Variants in HEATR4 observed in about 807,000 individuals in gnomAD.
HEATR4 encodes the protein HEAT repeat containing 4.
Under a neutral mutation model 108.8 loss-of-function variants are expected in HEATR4, and 95 were observed. The ratio of observed to expected loss-of-function variants is 0.87; its 90% confidence interval spans 0.74 to 1.04. HEATR4 has a LOEUF of 1.04. Among genes scored for constraint, HEATR4 ranks in the 50% least tolerant of loss-of-function variants. HEATR4 has a pLI of 0.00. For synonymous variants in HEATR4, 443 were observed against 459.4 expected (o/e 0.96, Z 0.46); for missense variants, 1,152 against 1,253.8 (o/e 0.92, Z 1.23).
intron 1 of HEATR4, chr14:73,536,981 T>G: frequency 8.3e-6 from 1 of 120,796 alleles, no homozygotes; most frequent in Non-Finnish European, 1.7e-5. Context: ...TGCCTGGTTG[T>G]TGTTGTTTTT....
intron 17 of HEATR4, chr14:73,490,863 G>C: frequency 8.3e-6 from 6 of 722,022 alleles, no homozygotes; most frequent in East Asian, 3.4e-5. Context: ...GAAAGAGAGC[G>C]GGAGGGGCCG....
the HEATR4 span, chr14:73,568,202 C>T: frequency 6.6e-6 from 1 of 151,986 alleles, no homozygotes; most frequent in African/African-American, 2.4e-5. Context: ...GATAAAAAGG[C>T]TTACCTTGAG....
rs1211455679 is a variant in HEATR4, at chr14:73,492,794, G to T, written c.2844+272C>A. 6.2e-7 allele frequency: 1 copy of T among 1,613,968 alleles called. No individual in the cohort carries two copies. The highest frequency in any genetic ancestry group is 8.5e-7 in the Non-Finnish European group (1 of 1,179,898). On this transcript the variant is annotated intron_variant, in intron 17 of 17. Coordinates refer to ENST00000553558, the MANE Select transcript of HEATR4 (RefSeq NM_001220484.1). This position sits in a 1 kb window ranked among gnomAD's most constrained non-coding sequence, Gnocchi z 4.9. ...CTTGGAAATATACCCCCAGCAAGCT[G>T]ATGCCATGGAACTGTTGCTTGGTTC...
chr14:73,595,364 G>A, the HEATR4 span: 1 of 1,614,226 alleles, frequency 6.2e-7, no homozygotes, highest in South Asian at 1.1e-5. Flanking sequence ...TGGTCAGGAT[G>A]ACCATAACTG....
intron 9 of HEATR4, 145 bp from the exon 10 acceptor site, chr14:73,506,716 A>G (rs1046716969): frequency 1.3e-5 from 7 of 534,224 alleles, no homozygotes; most frequent in Admixed American, 3.3e-5. Context: ...ATCACAGCCA[A>G]CTGACTCTGG....
At chr14:73,565,188 G>A in the HEATR4 span, among the ~76,000 whole-genome samples, 1 of 152,046 alleles carries the variant, frequency 6.6e-6, no homozygotes, top group Non-Finnish European at 1.5e-5. Context: ...GTGGAGCTGA[G>A]TCAAAGAGAA....
At chr14:73,529,554 G>A (rs114811414) in intron 2 of HEATR4, among the ~76,000 whole-genome samples, 1,918 of 151,988 alleles carry the variant, frequency 0.013, 49 homozygotes, top group African/African-American at 0.044. Context: ...AAATGTAGGA[G>A]TTGGACTAAA....
At chr14:73,562,310 T>A (rs1039100224), upstream of HEATR4, among the ~76,000 whole-genome samples, 1 of 152,128 alleles carries the variant, frequency 6.6e-6, no homozygotes, top group African/African-American at 2.4e-5. Context: ...TTTTATAATT[T>A]CTTATGCCTG....
the HEATR4 span, among the ~76,000 whole-genome samples, chr14:73,627,019 T>C: frequency 6.6e-6 from 1 of 151,608 alleles, no homozygotes. Flanking sequence ...CTCAAACTCC[T>C]GACCTCAGGT....
chr14:73,607,610 G>GTTTTC, the HEATR4 span, among the ~76,000 whole-genome samples: 1 of 151,974 alleles, frequency 6.6e-6, no homozygotes, highest in Non-Finnish European at 1.5e-5. Flanking sequence ...AGAAAATAGG[G>GTTTTC]TTTTCTTTTC....
chr14:73,519,511 C>T (rs1025843290), intron 4 of HEATR4, among the ~76,000 whole-genome samples: 2 of 151,614 alleles, frequency 1.3e-5, no homozygotes, highest in Admixed American at 6.6e-5. Context: ...TTTGGGAGGC[C>T]GAGGTGGGTG....
At position 73,514,188 on chromosome 14, in the gene HEATR4, G is replaced by A. The variant is rs1199545258; in HGVS notation, c.1257C>T (p.Thr419=). Residue 419 remains threonine (T), a synonymous_variant, in exon 6 of 18, where the codon ACC becomes ACT. Transcript: ENST00000553558. The part of the protein sequence containing the change: ...QGALRWTALP[T]PAKDMLLQVG... ...CCTGCAGCAGCATATCCTTGGCGGG[G>A]GTGGGCAAAGCAGTCCAGCGCAGGG... is the stretch of plus-strand genomic sequence containing the variant. 1.1e-5 allele frequency: 17 copies of A among 1,614,082 alleles called. No individual in the cohort carries two copies. Among genetic ancestry groups the A allele is most frequent in the Non-Finnish European group, 1.4e-5 (17 of 1,180,048 alleles).
At chr14:73,519,768 A>G (rs988403612) in intron 4 of HEATR4, among the ~76,000 whole-genome samples, 1 of 152,204 alleles carries the variant, frequency 6.6e-6, no homozygotes, top group Non-Finnish European at 1.5e-5. Context: ...CTGTAATCCC[A>G]GCACTTTGGG....
intron 5 of HEATR4, among the ~76,000 whole-genome samples, chr14:73,515,079 A>C (rs999418228): frequency 2.0e-5 from 3 of 151,652 alleles, no homozygotes; most frequent in East Asian, 1.9e-4. Flanking sequence ...AAAAAAAAAA[A>C]ACAAAAAAAA....
intron 16 of HEATR4, among the ~76,000 whole-genome samples, chr14:73,494,967 T>C (rs1265876349): frequency 1.3e-5 from 2 of 152,150 alleles, no homozygotes; most frequent in Admixed American, 6.5e-5. Context: ...TTCTGATATG[T>C]CCTTTTTTGA....
chr14:73,600,354 A>G, the HEATR4 span, among the ~76,000 whole-genome samples: 1 of 152,010 alleles, frequency 6.6e-6, no homozygotes, highest in Non-Finnish European at 1.5e-5. Flanking sequence ...TGCCTCCTAG[A>G]TGGAAAAGGG....
chr14:73,510,064 TGTTAGCCAGGATG>T (rs2140278121), intron 7 of HEATR4, among the ~76,000 whole-genome samples: 1 of 150,724 alleles, frequency 6.6e-6, no homozygotes, highest in South Asian at 2.1e-4. Flanking sequence ...GATTTCACCG[TGTTAGCCAGGATG>T]GTCTCGATCT....
chr14:73,612,655 G>A, the HEATR4 span: 2 of 1,408,190 alleles, frequency 1.4e-6, no homozygotes, highest in South Asian at 1.5e-5. Flanking sequence ...GCCTGGCCCC[G>A]GAGCAGCCAG....
the HEATR4 span, chr14:73,591,882 C>T: frequency 7.7e-7 from 1 of 1,299,760 alleles, no homozygotes; most frequent in African/African-American, 1.6e-5. Context: ...CGGACGCCGT[C>T]CGGACATTCG....
Sources: allele counts gnomAD v4.1 joint callset (sites outside exome capture counted in the v4.1 genomes callset), GRCh38; gene constraint gnomAD v4.1.1; non-coding constraint Gnocchi (gnomAD v3.1); transcripts MANE v1.5; gene names NCBI Gene and HGNC (gene_info 2026-07-23, HGNC 2026-07-21).